The following SLC9A9 variants were observed in gnomAD, a reference collection of about 807,000 sequenced individuals.
The protein encoded by SLC9A9 is sodium/hydrogen exchanger 9.
A neutral mutation model predicts 77.8 loss-of-function variants in SLC9A9; 62 were observed. The observed-to-expected ratio is 0.80, with a 90% confidence interval of 0.65 to 0.98. The LOEUF is 0.98. SLC9A9 is among the 50% of genes least tolerant of loss of function. SLC9A9 has a pLI of 0.00. For missense variants in SLC9A9, 775 were observed against 774.9 expected (o/e 1.00, Z 0.00); for synonymous variants, 320 against 283.5 (o/e 1.13, Z -1.29).
chr3:143,699,390 T>G (rs1274977926), intron 4 of SLC9A9, among the ~76,000 whole-genome samples: 1 of 152,158 alleles, frequency 6.6e-6, no homozygotes, highest in Non-Finnish European at 1.5e-5. Context: ...GTACCTGGTT[T>G]TGACTTCATA....
chr3:143,311,085 G>C (rs2031000754), intron 14 of SLC9A9, among the ~76,000 whole-genome samples: 1 of 152,184 alleles, frequency 6.6e-6, no homozygotes, highest in South Asian at 2.1e-4. Context: ...ACTAAAACTG[G>C]CTTCTCAGCC....
intron 6 of SLC9A9, among the ~76,000 whole-genome samples, chr3:143,637,082 T>C (rs2038535519): frequency 6.6e-6 from 1 of 152,180 alleles, no homozygotes; most frequent in Admixed American, 6.5e-5. Context: ...AAAAACAGTG[T>C]TGTAACACCC....
At chr3:143,706,934 G>A (rs1413310077) in intron 4 of SLC9A9, among the ~76,000 whole-genome samples, 1 of 152,164 alleles carries the variant, frequency 6.6e-6, no homozygotes, top group African/African-American at 2.4e-5. Context: ...TGCATAGAAG[G>A]GGAAAGCTGC....
chr3:143,279,069 G>GAGTT (rs1444805175), intron 14 of SLC9A9, among the ~76,000 whole-genome samples: 2 of 152,110 alleles, frequency 1.3e-5, no homozygotes, highest in East Asian at 1.9e-4. Flanking sequence ...TGTGTCCCTT[G>GAGTT]AGTTACAGGT....
At chr3:143,808,903 C>T (rs536343706) in intron 2 of SLC9A9, among the ~76,000 whole-genome samples, 14 of 151,958 alleles carry the variant, frequency 9.2e-5, no homozygotes, top group East Asian at 3.9e-4. Flanking sequence ...AATATTTGAA[C>T]GAATATTTTC....
chr3:143,610,894 C>A (rs1034306577), intron 6 of SLC9A9, among the ~76,000 whole-genome samples: 1 of 152,170 alleles, frequency 6.6e-6, no homozygotes, highest in Non-Finnish European at 1.5e-5. Context: ...CTGCTCCAGT[C>A]CCTCTTTCTT....
rs1434575964 is a variant in SLC9A9, at chr3:143,795,089, A to G, written c.457-12T>C. On this transcript the variant is annotated splice_polypyrimidine_tract_variant and intron_variant, in intron 3 of 15. Transcript: ENST00000316549. ...TGAAAAAAGTGTCTCTGGGGAGAAA[A>G]AAAGATATTTAATAGAGTACATCAG... 9.9e-6 allele frequency: 16 copies of G among 1,608,660 alleles called. No individual in the cohort carries two copies. Among genetic ancestry groups the G allele is most frequent in the Non-Finnish European group, 1.4e-5 (16 of 1,176,132 alleles).
At chr3:143,778,483 G>A (rs1216222566) in intron 4 of SLC9A9, among the ~76,000 whole-genome samples, 2 of 152,092 alleles carry the variant, frequency 1.3e-5, no homozygotes, top group African/African-American at 2.4e-5. Flanking sequence ...TAATACAGGG[G>A]CAATGAAAGC....
rs112153232 is a variant in SLC9A9, at chr3:143,837,395, C to A, written c.176-5174G>T. On this transcript the variant is annotated intron_variant, in intron 1 of 15. Coordinates refer to ENST00000316549, the MANE Select transcript of SLC9A9 (RefSeq NM_173653.4). ...TAGGAGTCTAAAGCAAATGTAGTTACCACATGAAGATTGTAGGAGAACTGA... is the reference window on the plus strand; with the variant it reads ...TAGGAGTCTAAAGCAAATGTAGTTAACACATGAAGATTGTAGGAGAACTGA... Among the ~76,000 whole-genome samples, 568 of 152,298 alleles carry A rather than the reference C, an allele frequency of 3.7e-3. 5 individuals are homozygous for A. Among genetic ancestry groups the A allele is most frequent in the African/African-American group, 0.013 (546 of 41,550 alleles).
intron 6 of SLC9A9, among the ~76,000 whole-genome samples, chr3:143,623,193 C>T (rs915148774): frequency 1.3e-5 from 2 of 152,082 alleles, no homozygotes; most frequent in African/African-American, 4.8e-5. Flanking sequence ...CTGTCAACGT[C>T]AGACAGATCA....
At chr3:143,618,705 T>C (rs2038148966) in intron 6 of SLC9A9, among the ~76,000 whole-genome samples, 1 of 152,194 alleles carries the variant, frequency 6.6e-6, no homozygotes, top group Admixed American at 6.5e-5. Context: ...GATGAAAAGA[T>C]CCTGATGAGC....
intron 14 of SLC9A9, among the ~76,000 whole-genome samples, chr3:143,323,899 G>A (rs575483569): frequency 6.6e-6 from 1 of 152,156 alleles, no homozygotes; most frequent in East Asian, 1.9e-4. Context: ...ATGGATTCTT[G>A]AAACTGGCTT....
intron 1 of SLC9A9, among the ~76,000 whole-genome samples, chr3:143,834,207 G>A (rs1481661583): frequency 1.3e-5 from 2 of 152,186 alleles, no homozygotes; most frequent in African/African-American, 2.4e-5. Flanking sequence ...ATCTCTGGGA[G>A]CAAGAGAAAA....
At chr3:143,570,151 G>T (rs2037235101) in intron 8 of SLC9A9, among the ~76,000 whole-genome samples, 1 of 151,956 alleles carries the variant, frequency 6.6e-6, no homozygotes, top group African/African-American at 2.4e-5. Context: ...ATGTGACAAA[G>T]ATAAGCATCT....
intron 12 of SLC9A9, among the ~76,000 whole-genome samples, chr3:143,465,404 G>A (rs1459690867): frequency 1.3e-5 from 2 of 152,220 alleles, no homozygotes; most frequent in African/African-American, 4.8e-5. Flanking sequence ...GATGCTTTTG[G>A]AAAACACTTT....
In SLC9A9 at chr3:143,266,060, G is replaced by A. The variant is rs1239904385; in HGVS notation, c.*642C>T. 2 of 702,328 alleles carry A rather than the reference G, an allele frequency of 2.8e-6. No individual in the cohort carries two copies. Among genetic ancestry groups the A allele is most frequent in the Non-Finnish European group, 5.2e-6 (2 of 384,814 alleles). The allele number at this position is 702,328 out of a possible 1,614,324, so 43.5% of individuals were successfully genotyped here. ...TTAGGGCAGGGCACACCCAGCCATA[G>A]GCAACCCCTTTGAGCGATGGGAGAA... On this transcript the variant is annotated 3_prime_UTR_variant, in exon 16 of 16. Coordinates refer to ENST00000316549, the MANE Select transcript of SLC9A9 (RefSeq NM_173653.4).
chr3:143,756,056 A>T (rs1045920165), intron 4 of SLC9A9, among the ~76,000 whole-genome samples: 3 of 152,172 alleles, frequency 2.0e-5, no homozygotes, highest in Non-Finnish European at 4.4e-5. Context: ...GGCTCCAAGG[A>T]CCTAGTCTCT....
chr3:143,818,979 A>G (rs190016785), intron 2 of SLC9A9, among the ~76,000 whole-genome samples: 74 of 152,236 alleles, frequency 4.9e-4, no homozygotes, highest in African/African-American at 1.6e-3. Context: ...GCTACTCAGG[A>G]GGCTGAGGTA....
At chr3:143,655,316 A>G (rs1029344137) in intron 5 of SLC9A9, among the ~76,000 whole-genome samples, 1 of 152,232 alleles carries the variant, frequency 6.6e-6, no homozygotes, top group African/African-American at 2.4e-5. Context: ...CAAGGCTGGT[A>G]AAGATAACCT....
Sources: gnomAD v4.1 joint callset for allele counts (sites outside exome capture counted in the v4.1 genomes callset) on GRCh38, gnomAD v4.1.1 for gene constraint, MANE v1.5 for transcripts, NCBI Gene and HGNC (gene_info 2026-07-23, HGNC 2026-07-21) for gene names.